ADNP: variants seen among roughly 807,000 people sequenced by gnomAD.
ADNP encodes the protein activity-dependent neuroprotector homeobox protein.
ADNP carries 4 observed loss-of-function variants against 84.9 expected under a neutral mutation model. The ratio of observed to expected loss-of-function variants is 0.05; its 90% CI spans 0.02 to 0.11. ADNP has a LOEUF of 0.11. Ranked by LOEUF, ADNP falls within the 10% of genes least tolerant of loss-of-function variation. ADNP has a pLI of 1.00. For missense variants in ADNP, 1,132 were observed against 1,326.0 expected, an observed-to-expected ratio of 0.85 and a Z score of 2.27; for synonymous variants, 554 against 468.1, an observed-to-expected ratio of 1.18 and a Z score of -2.37.
intron 2 of ADNP, among the ~76,000 whole-genome samples, chr20:50,926,141 C>CTT (rs1420740169): frequency 6.6e-6 from 1 of 152,138 alleles, no homozygotes; most frequent in African/African-American, 2.4e-5. Context: ...GGAGGAAAAA[C>CTT]TTTAAGTTTA....
At chr20:50,910,107 T>C (rs1982893112) in intron 2 of ADNP, among the ~76,000 whole-genome samples, 1 of 152,182 alleles carries the variant, frequency 6.6e-6, no homozygotes, top group South Asian at 2.1e-4. Context: ...AGAGGGAAGA[T>C]AGGGTATTTA....
intron 5 of ADNP, among the ~76,000 whole-genome samples, chr20:50,896,001 G>C: frequency 6.6e-6 from 1 of 152,124 alleles, no homozygotes; most frequent in East Asian, 1.9e-4. Flanking sequence ...CAGGCGGGTG[G>C]ATCACCTGAG....
chr20:50,913,933 A>C, intron 2 of ADNP: 1 of 679,528 alleles, frequency 1.5e-6, no homozygotes, highest in Non-Finnish European at 2.7e-6. Context: ...AATGATAAAG[A>C]CTATGCGAGA....
In ADNP at chr20:50,893,733, C is replaced by T. The variant is rs910264947; in HGVS notation, c.981G>A (p.Leu327=). The T allele has an allele frequency of 3.7e-6, 6 of 1,614,090 alleles. No homozygotes were observed. Among genetic ancestry groups the T allele is most frequent in the Non-Finnish European group, 5.1e-6 (6 of 1,180,038 alleles). Residue 327 remains leucine, a synonymous_variant, in exon 6 of 6, where the codon CTG becomes CTA. Transcript: ENST00000621696. The surrounding 1 kb of genome is among the most constrained non-coding windows in gnomAD (Gnocchi z 4.4). ...TGVNMMSSVH[L]QQNNYGVKSV... is the part of the protein sequence containing the mutation. Reference sequence around the variant, plus strand: ...ATTTGACTCCATAGTTGTTCTGCTGCAGATGAACACTGGACATCATGTTGA... The same window carrying T: ...ATTTGACTCCATAGTTGTTCTGCTGTAGATGAACACTGGACATCATGTTGA...
Position 50,893,485 on chromosome 20 carries a change from G to A in ADNP, c.1229C>T (p.Pro410Leu), listed in dbSNP as rs746359835. The A allele has an allele frequency of 2.5e-6, 4 of 1,613,808 alleles. No individual in the cohort carries two copies. Among genetic ancestry groups the A allele is most frequent in the African/African-American group, 1.3e-5 (1 of 74,932 alleles). The change falls in exon 6 of 6, where the codon CCT (proline) becomes CTT (leucine). Residue 410 changes from proline to leucine, a missense_variant. This residue lies in a region of ADNP where 239 missense variants were observed against 213.2 expected (regional missense o/e 1.12). Transcript: ENST00000621696. The surrounding 1 kb of genome is among the most constrained non-coding windows in gnomAD (Gnocchi z 4.4). ...GGATGCCTGTGACTGAGAGAGGGAAGGAGACTTTAACTGGCCCGATGAGAG... is the reference window on the plus strand; with the variant it reads ...GGATGCCTGTGACTGAGAGAGGGAAAGAGACTTTAACTGGCCCGATGAGAG... ...SSLSSGQLKS[P>L]SLSQSQASRV...
chr20:50,894,632 C>T (rs997381210), intron 5 of ADNP, 120 bp from the exon 6 acceptor site: 14 of 1,090,456 alleles, frequency 1.3e-5, no homozygotes, highest in East Asian at 5.3e-5. Flanking sequence ...TGGTGGCTCA[C>T]GCCTGTAATC....
intron 2 of ADNP, among the ~76,000 whole-genome samples, chr20:50,906,306 TCA>T (rs1359719239): frequency 2.6e-5 from 4 of 152,202 alleles, no homozygotes; most frequent in Non-Finnish European, 4.4e-5. Context: ...CAGAAAAGTG[TCA>T]CAGGCTAATT....
At chr20:50,904,582 GT>G (rs1351726393) in intron 3 of ADNP, 183 bp downstream of exon 3, 1 of 152,216 alleles carries the variant, frequency 6.6e-6, no homozygotes, top group Non-Finnish European at 1.5e-5. Flanking sequence ...GATTTTCCCA[GT>G]TTTTAACAGG....
intron 2 of ADNP, among the ~76,000 whole-genome samples, chr20:50,911,510 CTTTT>C (rs371456557): frequency 2.1e-5 from 3 of 141,914 alleles, no homozygotes; most frequent in South Asian, 2.2e-4. Context: ...CTTTTCTTTT[CTTTT>C]TTTTTTTTTT....
intron 2 of ADNP, among the ~76,000 whole-genome samples, chr20:50,924,943 C>G (rs929454891): frequency 6.6e-6 from 1 of 152,296 alleles, no homozygotes; most frequent in Admixed American, 6.5e-5. Flanking sequence ...TAAACTCCAT[C>G]CAACGTTGTC....
intron 2 of ADNP, among the ~76,000 whole-genome samples, chr20:50,923,359 CTA>C (rs1568745012): frequency 1.3e-5 from 2 of 152,142 alleles, no homozygotes; most frequent in African/African-American, 4.8e-5. Context: ...AATATTTAAA[CTA>C]TGTTCTCAAG....
Position 50,892,147 on chromosome 20 carries a change from A to C in ADNP, c.2567T>G (p.Val856Gly), listed in dbSNP as rs778752321. 2 of 1,613,836 alleles carry C rather than the reference A, an allele frequency of 1.2e-6. No individual in the cohort carries two copies. Among genetic ancestry groups the C allele is most frequent in the Admixed American group, 3.3e-5 (2 of 59,982 alleles). Reference protein sequence around the residue: ...FENHDEKDSRVNASKTADKKL... With the variant: ...FENHDEKDSRGNASKTADKKL... ...TTTGTCAGCAGTCTTACTAGCATTGACTCTGGAATCCTTCTCATCATGATT... is the reference window on the plus strand; with the variant it reads ...TTTGTCAGCAGTCTTACTAGCATTGCCTCTGGAATCCTTCTCATCATGATT... The change falls in exon 6 of 6, where the codon GTC becomes GGC. Residue 856 changes from valine to glycine, a missense_variant. Physicochemically the swap from Val to Gly is moderately radical, Grantham distance 109. Transcript: ENST00000621696.
chr20:50,891,011 T>A lies in ADNP; in HGVS notation c.*394A>T. On this transcript the variant is annotated 3_prime_UTR_variant, in exon 6 of 6. Coordinates refer to ENST00000621696, the MANE Select transcript of ADNP (RefSeq NM_001282531.3). ...AAATCGCTTTTCCCAAAGTCTACTA[T>A]ACACATTAGACTGGTAGCTTGTATG... 9.9e-7 allele frequency: 1 copy of A among 1,014,802 alleles called. No individual in the cohort carries two copies. Among genetic ancestry groups the A allele is most frequent in the Non-Finnish European group, 1.2e-6 (1 of 849,934 alleles). The allele number at this position is 1,014,802 out of a possible 1,614,324, so 62.9% of individuals were successfully genotyped here. A position where few individuals can be genotyped will look rare whatever the true frequency, so the allele number is the denominator to read the frequency against.
In ADNP at chr20:50,918,456, T is replaced by C. The variant is rs1160015261; in HGVS notation, c.-90+10195A>G. On this transcript the variant is annotated intron_variant, in intron 2 of 5. Coordinates refer to ENST00000621696, the MANE Select transcript of ADNP (RefSeq NM_001282531.3). ...ATCATTTAATATGAGTGGTAATACA[T>C]TAATGGAACCTAGGTGGCCCCAAAA... Among the ~76,000 whole-genome samples the C allele has an allele frequency of 2.0e-5, 3 of 152,198 alleles. No individual in the cohort carries two copies. In the South Asian group the frequency reaches 6.2e-4, roughly 31 times the overall value.
intron 2 of ADNP, among the ~76,000 whole-genome samples, chr20:50,922,748 T>A (rs901643579): frequency 1.3e-5 from 2 of 151,944 alleles, no homozygotes; most frequent in Non-Finnish European, 2.9e-5. Flanking sequence ...CCCAGCTAAT[T>A]TTTTTTGTAT....
In ADNP at chr20:50,891,860, C is replaced by T; in HGVS notation, c.2854G>A (p.Ala952Thr). 6.2e-7 allele frequency: 1 copy of T among 1,614,232 alleles called. No individual in the cohort carries two copies. Among genetic ancestry groups the T allele is most frequent in the Non-Finnish European group, 8.5e-7 (1 of 1,180,046 alleles). The change falls in exon 6 of 6, where the codon GCA becomes ACA. Residue 952 changes from alanine to threonine, a missense_variant. By Grantham distance (58) the Ala-to-Thr change is moderately conservative. Transcript: ENST00000621696. ...TCTTGGTCAACCTCACTATCAGATG[C>T]ATTGTGCATTAGTTTGGTTGGTTCC... ...TEEPTKLMHN[A>T]SDSEVDQDDV...
intron 3 of ADNP, 118 bp from the exon 4 acceptor site, chr20:50,904,119 T>A (rs1481752249): frequency 5.6e-6 from 4 of 713,644 alleles, no homozygotes; most frequent in Non-Finnish European, 2.4e-6. Context: ...TGCATAGATA[T>A]CCTCATCTAG....
In ADNP at chr20:50,892,592, G is replaced by C; in HGVS notation, c.2122C>G (p.Gln708Glu). 1.2e-6 allele frequency: 2 copies of C among 1,614,226 alleles called. No individual in the cohort carries two copies. Among genetic ancestry groups the C allele is most frequent in the Non-Finnish European group, 1.7e-6 (2 of 1,180,050 alleles). The change falls in exon 6 of 6, where the codon CAG (glutamine) becomes GAG (glutamate). Residue 708 changes from glutamine to glutamate, a missense_variant. Physicochemically the swap from Gln to Glu is conservative, Grantham distance 29 (BLOSUM62 2). Transcript: ENST00000621696. ...DKTNAPSRLN[Q>E]SPSLAPVKRT... ...TTCACAGGTGCCAGACTTGGAGACTGATTAAGCCGAGAGGGTGCATTTGTC... is the reference window on the plus strand; with the variant it reads ...TTCACAGGTGCCAGACTTGGAGACTCATTAAGCCGAGAGGGTGCATTTGTC...
chr20:50,918,527 T>C (rs1284619573), intron 2 of ADNP, among the ~76,000 whole-genome samples: 2 of 152,182 alleles, frequency 1.3e-5, no homozygotes, highest in Non-Finnish European at 2.9e-5. Context: ...GTTCACGTTA[T>C]TGGCAAATCT....
Sources: allele counts gnomAD v4.1 joint callset (sites outside exome capture counted in the v4.1 genomes callset), GRCh38; gene constraint gnomAD v4.1.1; regional missense constraint gnomAD v4.1.1; non-coding constraint Gnocchi (gnomAD v3.1); transcripts MANE v1.5; gene names NCBI Gene and HGNC (gene_info 2026-07-23, HGNC 2026-07-21).